AKAP9: variants seen among roughly 807,000 people sequenced by gnomAD.
AKAP9 encodes A-kinase anchoring protein 9, also known as A-kinase anchor protein 9.
A neutral mutation model predicts 488.5 loss-of-function variants in AKAP9; 311 were observed. The ratio of observed to expected loss-of-function variants is 0.64; its 90% CI spans 0.58 to 0.70. AKAP9 has a LOEUF of 0.70. Ranked by LOEUF, AKAP9 falls within the 30% of genes least tolerant of loss-of-function variation. The probability of loss-of-function intolerance (pLI) is 0.00; values close to 1 mark genes in which losing one functional copy is unlikely to be tolerated. For missense variants in AKAP9, 4,215 were observed against 4,374.5 expected (o/e 0.96, Z 1.03); for synonymous variants, 1,462 against 1,483.5 (o/e 0.99, Z 0.33).
At chr7:92,084,576 A>C in intron 33 of AKAP9, 64 bp from the exon 34 acceptor site, 1 of 1,215,660 alleles carries the variant, frequency 8.2e-7, no homozygotes, top group African/African-American at 1.5e-5. Flanking sequence ...CCAGCAAAAT[A>C]ATTCATTGTA....
At chr7:92,082,497 T>G in intron 31 of AKAP9, 25 bp from the exon 32 acceptor site, 1 of 1,611,610 alleles carries the variant, frequency 6.2e-7, no homozygotes. Context: ...AATTATGTGT[T>G]TCTTGTGTTT....
rs201958512 is a variant in AKAP9 at position 92,085,556 on chromosome 7, A to G, written c.8894A>G (p.Tyr2965Cys). 1.4e-4 allele frequency: 226 copies of G among 1,614,022 alleles called. 3 individuals carry two copies. The South Asian group carries it at 2.2e-3, about 16-fold the overall frequency. Residue 2965 changes from tyrosine (Y) to cysteine (C), a missense_variant, in exon 36 of 50, where the codon TAT becomes TGT. Tyr to Cys is a radical substitution (Grantham distance 194). Transcript: ENST00000356239. ...GTGCTTTCTCTCACTGAGTCTCCCT[A>G]TAGTGATGGAGAGGACCATTCTATT... ...MQVLSLTESP[Y>C]SDGEDHSIQQ...
chr7:92,098,492 C>G (rs1817012272), intron 43 of AKAP9, among the ~76,000 whole-genome samples: 1 of 152,134 alleles, frequency 6.6e-6, no homozygotes, highest in Non-Finnish European at 1.5e-5. Flanking sequence ...GGCTTCTATC[C>G]TGTCTACTCC....
intron 5 of AKAP9, 139 bp downstream of exon 5, chr7:91,993,194 CTT>C (rs3216250): frequency 4.1e-4 from 272 of 662,730 alleles, no homozygotes; most frequent in East Asian, 5.2e-4. Flanking sequence ...TCTTCTTCTT[CTT>C]TTTTTTTTTC....
chr7:91,941,817 C>G (rs925862044), intron 1 of AKAP9, among the ~76,000 whole-genome samples: 1 of 151,898 alleles, frequency 6.6e-6, no homozygotes. Context: ...GTTCCATATG[C>G]CAACACCTAT....
intron 21 of AKAP9, among the ~76,000 whole-genome samples, chr7:92,050,932 T>C (rs1456867877): frequency 6.6e-6 from 1 of 151,614 alleles, no homozygotes; most frequent in Non-Finnish European, 1.5e-5. Context: ...ACGCATATCT[T>C]CTTTCCTTGT....
chr7:92,017,829 T>A (rs1801735848), intron 12 of AKAP9, among the ~76,000 whole-genome samples: 1 of 152,220 alleles, frequency 6.6e-6, no homozygotes, highest in African/African-American at 2.4e-5. Flanking sequence ...TTGCCTACTC[T>A]GTTTCTGTGC....
chr7:92,093,429 A>G lies in AKAP9; in HGVS notation c.9578+113A>G. 5 of 931,202 alleles carry G rather than the reference A, an allele frequency of 5.4e-6. No individual in the cohort carries two copies. In the South Asian group the frequency reaches 7.4e-5, roughly 14 times the overall value. The allele number at this position is 931,202 out of a possible 1,614,324, so 57.7% of individuals were successfully genotyped here. ...ATGCATGATATTTAAATAGCATGCA[A>G]CTGTTTTTTTTAGGAAAAACTATAA... On this transcript the variant is annotated intron_variant, in intron 39 of 49. Transcript: ENST00000356239.
At chr7:92,075,352 G>A (rs1812415397) in intron 28 of AKAP9, among the ~76,000 whole-genome samples, 1 of 152,212 alleles carries the variant, frequency 6.6e-6, no homozygotes, top group Non-Finnish European at 1.5e-5. Flanking sequence ...CAGAAATGTA[G>A]GGATAGTTGT....
Position 92,096,910 on chromosome 7 carries a change from T to G in AKAP9, c.9951T>G (p.Asp3317Glu). 1 of 1,614,196 alleles carries G rather than the reference T, an allele frequency of 6.2e-7. No individual in the cohort carries two copies. Among genetic ancestry groups the G allele is most frequent in the Non-Finnish European group, 8.5e-7 (1 of 1,180,036 alleles). The change falls in exon 41 of 50, where the codon GAT becomes GAG. Residue 3317 changes from aspartate (D) to glutamate (E), a missense_variant. Physicochemically the swap from Asp to Glu is conservative, Grantham distance 45 (BLOSUM62 2). Coordinates refer to ENST00000356239, the MANE Select transcript of AKAP9 (RefSeq NM_005751.5). ...VRIREMSSTLDRERELHAQLQ... is the reference protein window; with the variant it reads ...VRIREMSSTLERERELHAQLQ... ...TTCGGGAAATGAGTAGTACCCTAGA[T>G]AGGGAGCGGGAATTGCACGCACAGC...
chr7:92,042,152 G>A lies in AKAP9; in HGVS notation c.5024G>A (p.Cys1675Tyr). The part of the protein sequence containing the change: ...QLSLAGREKL[C>Y]CELRNSSTQT... ...TCTTTAGCTGGAAGAGAGAAGCTGT[G>A]TTGTGAGCTGCGCAACAGCAGTACG... The change falls in exon 19 of 50, where the codon TGT (cysteine) becomes TAT (tyrosine). Residue 1675 changes from cysteine (C) to tyrosine (Y), a missense_variant. Cys to Tyr is a radical substitution (Grantham distance 194, BLOSUM62 -2). Coordinates refer to ENST00000356239, the MANE Select transcript of AKAP9 (RefSeq NM_005751.5). 1 of 1,613,988 alleles carries A rather than the reference G, an allele frequency of 6.2e-7. No homozygotes were observed. Among genetic ancestry groups the A allele is most frequent in the South Asian group, 1.1e-5 (1 of 91,088 alleles).
Position 91,941,081 on chromosome 7 carries a change from T to C in AKAP9, c.-19T>C. ...CCACCCCTCAACCCCTGTTTTCCCC[T>C]GCCTTCCTTGCAGAGGCCATGGAGG... On this transcript the variant is annotated 5_prime_UTR_variant, in exon 1 of 50. Transcript: ENST00000356239. 1 of 1,612,852 alleles carries C rather than the reference T, an allele frequency of 6.2e-7. No individual in the cohort carries two copies. The highest frequency in any genetic ancestry group is 1.7e-5 in the Admixed American group (1 of 60,018).
At chr7:92,086,571 T>G (rs903843845) in intron 37 of AKAP9, among the ~76,000 whole-genome samples, 155 bp downstream of exon 37, 6 of 152,202 alleles carry the variant, frequency 3.9e-5, no homozygotes, top group African/African-American at 1.4e-4. Flanking sequence ...CGTATTATGT[T>G]AGAAGGTAAG....
chr7:91,967,235 C>T (rs1794530785), intron 1 of AKAP9, among the ~76,000 whole-genome samples: 1 of 152,082 alleles, frequency 6.6e-6, no homozygotes, highest in African/African-American at 2.4e-5. Context: ...GTAGGTTTTT[C>T]TAAGTATAAG....
intron 18 of AKAP9, 118 bp from the exon 19 acceptor site, chr7:92,041,928 G>A (rs1806176248): frequency 9.5e-7 from 1 of 1,055,206 alleles, no homozygotes; most frequent in Non-Finnish European, 1.4e-6. Context: ...GATGGAATAT[G>A]AATCATAAGT....
intron 8 of AKAP9, among the ~76,000 whole-genome samples, chr7:92,004,692 G>T (rs573777928): frequency 2.0e-5 from 3 of 152,304 alleles, no homozygotes; most frequent in African/African-American, 7.2e-5. Flanking sequence ...TGCTGAAGTT[G>T]CTTATCAGCT....
intron 26 of AKAP9, among the ~76,000 whole-genome samples, chr7:92,067,741 C>T (rs1810995630): frequency 6.6e-6 from 1 of 152,166 alleles, no homozygotes; most frequent in Non-Finnish European, 1.5e-5. Flanking sequence ...GTGATAAAGA[C>T]ATTGTGCTTA....
intron 7 of AKAP9, among the ~76,000 whole-genome samples, chr7:91,999,045 C>G (rs1057476919): frequency 6.6e-6 from 1 of 152,082 alleles, no homozygotes; most frequent in Non-Finnish European, 1.5e-5. Flanking sequence ...TACCAAGGCA[C>G]AAGCTGATAG....
At chr7:92,082,413 A>T in intron 31 of AKAP9, 109 bp from the exon 32 acceptor site, 2 of 1,194,942 alleles carry the variant, frequency 1.7e-6, no homozygotes, top group Admixed American at 2.0e-5. Context: ...AACTCCTTAT[A>T]TCTGTAGGCA....
Sources: gnomAD v4.1 joint callset for allele counts (sites outside exome capture counted in the v4.1 genomes callset) on GRCh38, gnomAD v4.1.1 for gene constraint, MANE v1.5 for transcripts, NCBI Gene and HGNC (gene_info 2026-07-23, HGNC 2026-07-21) for gene names.